The following DAAM1 variants were observed in gnomAD, a reference collection of about 807,000 sequenced individuals.
DAAM1 encodes dishevelled associated activator of morphogenesis 1.
A neutral mutation model predicts 130.0 loss-of-function variants in DAAM1; 52 were observed. The observed-to-expected ratio is 0.40, with a 90% CI of 0.32 to 0.50. The LOEUF (loss-of-function observed/expected upper bound fraction) is 0.50. DAAM1 is among the 20% of genes least tolerant of loss of function. The pLI is 0.61. For synonymous variants in DAAM1, 452 were observed against 444.5 expected, an observed-to-expected ratio of 1.02 and a Z score of -0.21; for missense variants, 1,134 against 1,303.8, an observed-to-expected ratio of 0.87 and a Z score of 2.01.
chr14:59,321,384 A>G (rs575404782), intron 5 of DAAM1, among the ~76,000 whole-genome samples: 1 of 152,362 alleles, frequency 6.6e-6, no homozygotes, highest in African/African-American at 2.4e-5. Flanking sequence ...CAGCTCTGTG[A>G]ATATACTAAA....
At chr14:59,209,519 G>A (rs1888364405) in intron 1 of DAAM1, among the ~76,000 whole-genome samples, 1 of 152,142 alleles carries the variant, frequency 6.6e-6, no homozygotes, top group Non-Finnish European at 1.5e-5. Flanking sequence ...AGTAGAAATT[G>A]TACTTTGAAT....
chr14:59,237,356 A>G (rs1594773272), intron 1 of DAAM1, among the ~76,000 whole-genome samples: 1 of 152,182 alleles, frequency 6.6e-6, no homozygotes, highest in Non-Finnish European at 1.5e-5. Flanking sequence ...AATACTGATC[A>G]AGCACTTAAG....
chr14:59,348,393 G>A (rs186716066), intron 17 of DAAM1, among the ~76,000 whole-genome samples: 60 of 152,254 alleles, frequency 3.9e-4, no homozygotes, highest in Admixed American at 1.2e-3. Flanking sequence ...TGTTGATCTC[G>A]CACATATTCT....
intron 2 of DAAM1, among the ~76,000 whole-genome samples, chr14:59,272,619 AC>A (rs1882766069): frequency 7.9e-6 from 1 of 126,686 alleles, no homozygotes; most frequent in Non-Finnish European, 1.7e-5. Context: ...ACACACACAC[AC>A]ACACACACAC....
Position 59,370,144 on chromosome 14 carries a change from C to CTTTTTTTT in DAAM1, c.*1304_*1311dup, listed in dbSNP as rs398025271. On this transcript the variant is annotated 3_prime_UTR_variant, in exon 25 of 25. Coordinates refer to ENST00000360909, the MANE Select transcript of DAAM1 (RefSeq NM_001270520.2). ...TATAAAGAGGACTGTTACTTTTTTACTTTTTTTTTTTTTTTTTTTTTTTTT... is the reference window on the plus strand; with the variant it reads ...TATAAAGAGGACTGTTACTTTTTTACTTTTTTTTTTTTTTTTTTTTTTTTTTTTTTTTT... The CTTTTTTTT allele has an allele frequency of 3.1e-4, 30 of 95,378 alleles. No individual in the cohort carries two copies. Among genetic ancestry groups the CTTTTTTTT allele is most frequent in the South Asian group, 9.1e-4 (2 of 2,186 alleles). The allele number at this position is 95,378 out of a possible 1,614,324, so 5.9% of individuals were successfully genotyped here. A position where few individuals can be genotyped will look rare whatever the true frequency, so the allele number is the denominator to read the frequency against.
In DAAM1 at chr14:59,320,486, A is replaced by T; in HGVS notation, c.346-4A>T. The T allele has an allele frequency of 5.0e-6, 8 of 1,595,268 alleles. No homozygotes were observed. The highest frequency in any genetic ancestry group is 6.8e-6 in the Non-Finnish European group (8 of 1,174,350). On this transcript the variant is annotated splice_polypyrimidine_tract_variant and splice_region_variant and intron_variant, in intron 4 of 24. Transcript: ENST00000360909. Reference sequence around the variant, plus strand: ...AAGAAGTAACTTCTGTTTTCTTTGCATAGAGAAAATCTCTGCTGGCTTTAG... The same window carrying T: ...AAGAAGTAACTTCTGTTTTCTTTGCTTAGAGAAAATCTCTGCTGGCTTTAG...
intron 1 of DAAM1, among the ~76,000 whole-genome samples, chr14:59,213,388 T>G (rs543594769): frequency 4.7e-5 from 7 of 149,338 alleles, no homozygotes; most frequent in Admixed American, 2.7e-4. Context: ...AGAAAACCAC[T>G]GATAATCCCA....
chr14:59,367,623 ATTCCAC>A (rs1414583548), intron 24 of DAAM1, 24 bp downstream of exon 24: 1 of 1,605,074 alleles, frequency 6.2e-7, no homozygotes, highest in African/African-American at 1.3e-5. Flanking sequence ...TAATTGACCA[ATTCCAC>A]CTCCTAGAAG....
intron 1 of DAAM1, among the ~76,000 whole-genome samples, chr14:59,221,462 ATTCCCTTTGCC>A (rs1263969786): frequency 6.6e-6 from 1 of 152,186 alleles, no homozygotes; most frequent in East Asian, 1.9e-4. Flanking sequence ...CTCATTCTGT[ATTCCCTTTGCC>A]TTCAGCTGGT....
intron 1 of DAAM1, among the ~76,000 whole-genome samples, chr14:59,188,973 C>G (rs561944851): frequency 3.3e-5 from 5 of 152,308 alleles, no homozygotes; most frequent in African/African-American, 1.2e-4. Context: ...CGAGACAGCT[C>G]TCGGCTGCCT....
chr14:59,309,202 G>T (rs1398411890), intron 3 of DAAM1, among the ~76,000 whole-genome samples: 2 of 152,216 alleles, frequency 1.3e-5, no homozygotes, highest in Non-Finnish European at 2.9e-5. Flanking sequence ...GGAAGAGCCA[G>T]ATGGAAAGAG....
rs573288738 is a variant in DAAM1 at position 59,360,564 on chromosome 14, A to T, written c.2634-238A>T. ...TTTTGTACAGATGGAAGATATTTCT[A>T]TTCTATTTTTAACCTGTAAAATATA... On this transcript the variant is annotated intron_variant, in intron 21 of 24. Transcript: ENST00000360909. The T allele has an allele frequency of 3.1e-5, 10 of 326,746 alleles. No homozygotes were observed. The South Asian group carries it at 4.3e-4, about 14-fold the overall frequency. 20.2% of individuals were successfully genotyped at this position (326,746 alleles called of 1,614,324 possible). A position where few individuals can be genotyped will look rare whatever the true frequency, so the allele number is the denominator to read the frequency against.
At chr14:59,214,994 A>T (rs975892563) in intron 1 of DAAM1, among the ~76,000 whole-genome samples, 2 of 152,230 alleles carry the variant, frequency 1.3e-5, no homozygotes, top group Non-Finnish European at 2.9e-5. Context: ...TCCATATCTC[A>T]TGTGTTTTTT....
rs565348866 is a variant in DAAM1, at chr14:59,289,352, C to G, written c.184-1865C>G. 3.9e-5 allele frequency among the ~76,000 whole-genome samples: 6 copies of G among 152,272 alleles called. No individual in the cohort carries two copies. In the East Asian group the frequency reaches 1.2e-3, roughly 29 times the overall value. On this transcript the variant is annotated intron_variant, in intron 2 of 24. Coordinates refer to ENST00000360909, the MANE Select transcript of DAAM1 (RefSeq NM_001270520.2). ...CTGACACATGGGGATTACAGTTTGA[C>G]ATGAGATTTGGGTGGGGTTGCAGAG...
chr14:59,197,209 C>A (rs183918311), intron 1 of DAAM1, among the ~76,000 whole-genome samples: 1 of 152,142 alleles, frequency 6.6e-6, no homozygotes, highest in Non-Finnish European at 1.5e-5. Context: ...CGTGAGCCAC[C>A]GCGGGAATTA....
chr14:59,300,767 C>T (rs1016654036), intron 3 of DAAM1, among the ~76,000 whole-genome samples: 3 of 152,108 alleles, frequency 2.0e-5, no homozygotes, highest in Non-Finnish European at 2.9e-5. Context: ...TAGCCTAACT[C>T]CATGCGCATT....
intron 23 of DAAM1, among the ~76,000 whole-genome samples, chr14:59,364,590 G>T (rs1194642316): frequency 1.3e-5 from 2 of 151,642 alleles, no homozygotes; most frequent in African/African-American, 4.9e-5. Context: ...CACCCCATTG[G>T]TTCTTTTACT....
chr14:59,335,290 C>T (rs561940532), intron 15 of DAAM1, among the ~76,000 whole-genome samples: 36 of 152,256 alleles, frequency 2.4e-4, no homozygotes, highest in Non-Finnish European at 3.8e-4. Context: ...TTATGTGCCA[C>T]ATGAAATGGG....
intron 1 of DAAM1, among the ~76,000 whole-genome samples, chr14:59,227,243 A>G (rs191689770): frequency 6.6e-6 from 1 of 152,306 alleles, no homozygotes; most frequent in East Asian, 1.9e-4. Flanking sequence ...CATGTGAACA[A>G]GGATGGTGTG....
Sources: allele counts gnomAD v4.1 joint callset (sites outside exome capture counted in the v4.1 genomes callset), GRCh38; gene constraint gnomAD v4.1.1; transcripts MANE v1.5; gene names NCBI Gene and HGNC (gene_info 2026-07-23, HGNC 2026-07-21).